The following JAK1 variants were observed in gnomAD, a reference collection of about 807,000 sequenced individuals.
JAK1 encodes tyrosine-protein kinase JAK1.
A neutral mutation model predicts 136.6 loss-of-function variants in JAK1; 16 were observed. The ratio of observed to expected loss-of-function variants is 0.12; its 90% CI spans 0.08 to 0.18. JAK1 has a LOEUF of 0.18. JAK1 is among the 10% of genes least tolerant of loss of function. The pLI, the probability that JAK1 is intolerant of heterozygous loss-of-function variation, is 1.00. For synonymous variants in JAK1, 492 were observed against 519.5 expected, an observed-to-expected ratio of 0.95 and a Z score of 0.72; for missense variants, 859 against 1,450.1, an observed-to-expected ratio of 0.59 and a Z score of 6.62.
chr1:64,972,954 T>C (rs917961868), intron 2 of JAK1: 6 of 151,972 alleles, frequency 3.9e-5, no homozygotes, highest in African/African-American at 1.5e-4. Flanking sequence ...CCCTGGACTC[T>C]ATAAAAAATT....
chr1:65,010,098 T>C (rs1325562137), intron 2 of JAK1, among the ~76,000 whole-genome samples: 2 of 152,238 alleles, frequency 1.3e-5, no homozygotes, highest in East Asian at 3.8e-4. Context: ...TTGAATGCTG[T>C]GGTGGTTTAA....
At chr1:65,039,170 A>G (rs1647105579) in intron 2 of JAK1, among the ~76,000 whole-genome samples, 1 of 152,170 alleles carries the variant, frequency 6.6e-6, no homozygotes, top group Non-Finnish European at 1.5e-5. Context: ...TTGAACAGTA[A>G]AAGTCCTATG....
At position 64,833,492 on chromosome 1, in the gene JAK1, A is replaced by ATTT. The variant is rs1045711372; in HGVS notation, c.*1067_*1069dup. ...GTTCACATTGAATCAATGACTAAAC[A>ATTT]TTTTTGATTACCCAGCTACCTCCAA... On this transcript the variant is annotated 3_prime_UTR_variant, in exon 25 of 25. Transcript: ENST00000342505. The ATTT allele has an allele frequency of 6.4e-5, 15 of 232,930 alleles. No homozygotes were observed. The highest frequency in any genetic ancestry group is 3.1e-4 in the African/African-American group (14 of 45,328). The allele number at this position is 232,930 out of a possible 1,614,324, so 14.4% of individuals were successfully genotyped here. A position where few individuals can be genotyped will look rare whatever the true frequency, so the allele number is the denominator to read the frequency against.
At chr1:64,896,987 T>C (rs1255499499) in intron 1 of JAK1, among the ~76,000 whole-genome samples, 1 of 152,154 alleles carries the variant, frequency 6.6e-6, no homozygotes, top group Non-Finnish European at 1.5e-5. Context: ...TGGAAAAATA[T>C]ATACATAAAC....
At chr1:64,908,524 G>A (rs938536386) in intron 1 of JAK1, among the ~76,000 whole-genome samples, 3 of 152,062 alleles carry the variant, frequency 2.0e-5, no homozygotes, top group African/African-American at 7.2e-5. Context: ...ACTTAAATTA[G>A]TGCTTTTGGG....
intron 1 of JAK1, among the ~76,000 whole-genome samples, chr1:64,930,377 G>T (rs540853030): frequency 1.3e-5 from 2 of 152,076 alleles, no homozygotes; most frequent in Non-Finnish European, 2.9e-5. Flanking sequence ...ACATTTATGT[G>T]GCCAACAAAC....
intron 2 of JAK1, among the ~76,000 whole-genome samples, chr1:65,034,765 C>A (rs1233337825): frequency 6.6e-6 from 1 of 152,118 alleles, no homozygotes; most frequent in Non-Finnish European, 1.5e-5. Flanking sequence ...TTAAAAAATT[C>A]TCTTAGTGGC....
At position 64,841,346 on chromosome 1, in the gene JAK1, G is replaced by A. The variant is rs2100975213; in HGVS notation, c.2555-7C>T. The A allele has an allele frequency of 6.2e-7, 1 of 1,613,096 alleles. No homozygotes were observed. Among genetic ancestry groups the A allele is most frequent in the Non-Finnish European group, 8.5e-7 (1 of 1,179,074 alleles). On this transcript the variant is annotated splice_region_variant and splice_polypyrimidine_tract_variant and intron_variant, in intron 18 of 24. Coordinates refer to ENST00000342505, the MANE Select transcript of JAK1 (RefSeq NM_002227.4). The stretch of plus-strand genomic sequence containing the variant: ...TCTGAAACAATATCTGGATCTAACA[G>A]AAGAGAAAAGAAAACAGAGTGAAAG...
intron 2 of JAK1, among the ~76,000 whole-genome samples, chr1:65,020,424 A>T (rs1389932175): frequency 6.6e-6 from 1 of 152,184 alleles, no homozygotes. Context: ...AGACAAGTAC[A>T]AGAATTTTCT....
chr1:64,932,223 G>A (rs1557702687), intron 1 of JAK1, among the ~76,000 whole-genome samples: 1 of 152,080 alleles, frequency 6.6e-6, no homozygotes, highest in Non-Finnish European at 1.5e-5. Flanking sequence ...GACCAGCCTG[G>A]CCAACATGGC....
chr1:65,054,472 T>C (rs1346980606), intron 1 of JAK1, among the ~76,000 whole-genome samples: 3 of 152,012 alleles, frequency 2.0e-5, no homozygotes, highest in African/African-American at 4.8e-5. Context: ...CTCAAGTAAT[T>C]TGAAACACTA....
upstream of JAK1, among the ~76,000 whole-genome samples, chr1:64,970,619 C>A (rs534129938): frequency 2.6e-3 from 397 of 151,888 alleles, 3 homozygotes; most frequent in African/African-American, 9.4e-3. Flanking sequence ...CAAAAATTAG[C>A]CAGGCGTGGT....
At chr1:64,859,086 G>A (rs1005890838) in intron 9 of JAK1, among the ~76,000 whole-genome samples, 7 of 152,246 alleles carry the variant, frequency 4.6e-5, no homozygotes, top group African/African-American at 1.7e-4. Flanking sequence ...ATGAGTCTGT[G>A]AGCCTCTCAA....
chr1:64,856,557 G>A (rs1046619098), intron 10 of JAK1, among the ~76,000 whole-genome samples: 1 of 152,122 alleles, frequency 6.6e-6, no homozygotes, highest in Non-Finnish European at 1.5e-5. Context: ...GACACTCTTG[G>A]TACTGCACAG....
intron 13 of JAK1, 143 bp from the exon 14 acceptor site, chr1:64,846,879 C>G: frequency 1.6e-6 from 1 of 642,556 alleles, no homozygotes; most frequent in South Asian, 1.8e-5. Context: ...ATCCTCTGGC[C>G]TTGGCTGTCC....
Position 64,864,767 on chromosome 1 carries a change from A to G in JAK1, c.1176+20T>C, listed in dbSNP as rs759341338. 5 of 1,586,438 alleles carry G rather than the reference A, an allele frequency of 3.2e-6. No individual in the cohort carries two copies. Among genetic ancestry groups the G allele is most frequent in the Non-Finnish European group, 4.3e-6 (5 of 1,158,646 alleles). ...TCTCATCACCAGATCCAGACTTAAG[A>G]GCTTCTGGGACAAACTTACCATTTT... On this transcript the variant is annotated intron_variant, in intron 8 of 24. Coordinates refer to ENST00000342505, the MANE Select transcript of JAK1 (RefSeq NM_002227.4).
chr1:64,869,211 G>T (rs995661345), intron 6 of JAK1, 100 bp downstream of exon 6: 26 of 1,076,570 alleles, frequency 2.4e-5, no homozygotes, highest in African/African-American at 3.1e-5. Flanking sequence ...AGAGAGCAAA[G>T]GTCAGCCAAA....
chr1:64,934,235 C>T (rs1466869217), intron 1 of JAK1, among the ~76,000 whole-genome samples: 6 of 152,184 alleles, frequency 3.9e-5, no homozygotes, highest in Non-Finnish European at 7.3e-5. Flanking sequence ...AAATGACCTC[C>T]GGCTCCAGTC....
chr1:65,003,373 T>C (rs1423491899), intron 2 of JAK1: 2 of 152,070 alleles, frequency 1.3e-5, no homozygotes, highest in Non-Finnish European at 2.9e-5. Flanking sequence ...CCCATGTACA[T>C]TTTCAGACGG....
Sources: gnomAD v4.1 joint callset for allele counts (sites outside exome capture counted in the v4.1 genomes callset) on GRCh38, gnomAD v4.1.1 for gene constraint, MANE v1.5 for transcripts, NCBI Gene and HGNC (gene_info 2026-07-23, HGNC 2026-07-21) for gene names.